ANO2: variants seen among roughly 807,000 people sequenced by gnomAD.
The protein encoded by ANO2 is anoctamin-2.
In ANO2, 101 loss-of-function variants were observed where a neutral mutation model predicts 124.2. The observed-to-expected ratio is 0.81, with a 90% CI of 0.69 to 0.96. The LOEUF (loss-of-function observed/expected upper bound fraction) is 0.96. Among genes scored for constraint, ANO2 ranks in the 40% least tolerant of loss-of-function variants. The probability of loss-of-function intolerance (pLI) is 0.00; values close to 1 mark genes in which losing one functional copy is unlikely to be tolerated. For synonymous variants in ANO2, 486 were observed against 482.5 expected (o/e 1.01, Z -0.09); for missense variants, 1,293 against 1,274.5 (o/e 1.01, Z -0.22).
At chr12:5,639,917 C>T (rs921462120) in intron 15 of ANO2, among the ~76,000 whole-genome samples, 1 of 152,090 alleles carries the variant, frequency 6.6e-6, no homozygotes, top group Non-Finnish European at 1.5e-5. Flanking sequence ...ATGGTGGACT[C>T]CCAATATCCA....
intron 14 of ANO2, among the ~76,000 whole-genome samples, chr12:5,707,209 TC>T (rs1314635596): frequency 1.3e-5 from 2 of 152,094 alleles, no homozygotes; most frequent in East Asian, 3.9e-4. Flanking sequence ...CTGCACTCTC[TC>T]TCTCTCCTGC....
chr12:5,809,220 T>C (rs184495396), intron 7 of ANO2, among the ~76,000 whole-genome samples: 1 of 152,288 alleles, frequency 6.6e-6, no homozygotes, highest in East Asian at 1.9e-4. Context: ...CTGAGCATCA[T>C]TACTCAGTTC....
chr12:5,631,604 G>A (rs574272592), intron 16 of ANO2, among the ~76,000 whole-genome samples: 2 of 152,308 alleles, frequency 1.3e-5, no homozygotes, highest in African/African-American at 4.8e-5. Context: ...AGAAACAGAG[G>A]GTGTGTGCCA....
chr12:5,893,149 A>G (rs1939525979), intron 3 of ANO2, among the ~76,000 whole-genome samples: 1 of 152,022 alleles, frequency 6.6e-6, no homozygotes, highest in Non-Finnish European at 1.5e-5. Context: ...CTAGAATATA[A>G]TATCAGAAAA....
In ANO2 at chr12:5,847,278, T is replaced by C. The variant is rs184484934; in HGVS notation, c.633+6765A>G. 2.3e-4 allele frequency among the ~76,000 whole-genome samples: 35 copies of C among 152,312 alleles called. No homozygotes were observed. The East Asian group carries it at 6.6e-3, about 29-fold the overall frequency. On this transcript the variant is annotated intron_variant, in intron 4 of 24. Transcript: ENST00000682330. ...AAACTTGAACTGAAACATCAGTTCT[T>C]GGGTCTTGAGGCTGCTGGAGCTTCT...
intron 20 of ANO2, among the ~76,000 whole-genome samples, chr12:5,586,592 C>T (rs1041177895): frequency 6.6e-6 from 1 of 152,222 alleles, no homozygotes; most frequent in Non-Finnish European, 1.5e-5. Flanking sequence ...CCATTGCAGT[C>T]TTTACCATCC....
chr12:5,891,503 C>T (rs1211946924), intron 3 of ANO2, among the ~76,000 whole-genome samples: 1 of 152,150 alleles, frequency 6.6e-6, no homozygotes, highest in Non-Finnish European at 1.5e-5. Context: ...AAGAGGGTCT[C>T]AGGGGACAGG....
At chr12:5,922,585 C>T (rs761474765) in intron 2 of ANO2, 35 bp downstream of exon 2, 2 of 1,505,812 alleles carry the variant, frequency 1.3e-6, no homozygotes, top group South Asian at 1.2e-5. Flanking sequence ...ACAGGGCTGG[C>T]CTATCCCCCC....
intron 16 of ANO2, among the ~76,000 whole-genome samples, chr12:5,634,137 G>T (rs1456030141): frequency 2.0e-5 from 3 of 152,186 alleles, no homozygotes; most frequent in African/African-American, 7.2e-5. Flanking sequence ...ATATGCACAT[G>T]CCTGGAAAGA....
chr12:5,660,701 T>C (rs1239168283), intron 14 of ANO2, among the ~76,000 whole-genome samples: 1 of 152,192 alleles, frequency 6.6e-6, no homozygotes, highest in Non-Finnish European at 1.5e-5. Flanking sequence ...TCAAATCTCA[T>C]TCAACATGGA....
intron 14 of ANO2, among the ~76,000 whole-genome samples, chr12:5,706,018 G>C (rs747149062): frequency 2.9e-4 from 44 of 152,160 alleles, no homozygotes; most frequent in Admixed American, 8.5e-4. Context: ...GTGCCCTTCT[G>C]GGGGAGATTC....
intron 11 of ANO2, 63 bp downstream of exon 11, chr12:5,750,773 T>C: frequency 6.5e-7 from 1 of 1,539,496 alleles, no homozygotes; most frequent in Non-Finnish European, 8.8e-7. Flanking sequence ...GTACTTGTAC[T>C]GGGATGAAAC....
intron 4 of ANO2, among the ~76,000 whole-genome samples, chr12:5,833,785 C>G (rs910662683): frequency 1.3e-5 from 2 of 152,064 alleles, no homozygotes; most frequent in Admixed American, 1.3e-4. Context: ...TGAAGTGGAA[C>G]AGTTTCATCC....
chr12:5,730,703 C>T (rs543042970), intron 14 of ANO2, among the ~76,000 whole-genome samples: 1 of 152,296 alleles, frequency 6.6e-6, no homozygotes, highest in South Asian at 2.1e-4. Context: ...TTATCTCCCA[C>T]CTATGGCTGG....
At chr12:5,761,058 CAA>C (rs34278479) in intron 10 of ANO2, among the ~76,000 whole-genome samples, 18,484 of 120,756 alleles carry the variant, frequency 0.15, 1,211 homozygotes, top group Admixed American at 0.21. Context: ...ACCCCCACAG[CAA>C]AAAAAAAAAA....
chr12:5,894,398 C>G (rs1939628891), intron 3 of ANO2, among the ~76,000 whole-genome samples: 1 of 152,110 alleles, frequency 6.6e-6, no homozygotes. Context: ...AGCCCTTTGT[C>G]AGATGGATAG....
chr12:5,739,804 C>T (rs1009032815), intron 12 of ANO2: 28 of 450,824 alleles, frequency 6.2e-5, no homozygotes, highest in Non-Finnish European at 1.2e-4. Flanking sequence ...AGCACTGTCA[C>T]TTTTTCCCTA....
chr12:5,761,982 A>G (rs1211493253), intron 10 of ANO2, among the ~76,000 whole-genome samples: 1 of 152,166 alleles, frequency 6.6e-6, no homozygotes, highest in African/African-American at 2.4e-5. Flanking sequence ...TTGATGTTTT[A>G]TGAAATTTTC....
At chr12:5,761,058 CAAAAAA>C (rs34278479) in intron 10 of ANO2, among the ~76,000 whole-genome samples, 4 of 120,926 alleles carry the variant, frequency 3.3e-5, no homozygotes, top group Non-Finnish European at 3.4e-5. Flanking sequence ...ACCCCCACAG[CAAAAAA>C]AAAAAAAAAA....
Sources: gnomAD v4.1 joint callset for allele counts (sites outside exome capture counted in the v4.1 genomes callset) on GRCh38, gnomAD v4.1.1 for gene constraint, MANE v1.5 for transcripts, NCBI Gene and HGNC (gene_info 2026-07-23, HGNC 2026-07-21) for gene names.